CEP70: variants seen among roughly 807,000 people sequenced by gnomAD.
CEP70 encodes the protein centrosomal protein 70.
CEP70 carries 70 observed loss-of-function variants against 90.9 expected under a neutral mutation model. That is an observed-to-expected ratio of 0.77 (90% confidence interval 0.64 to 0.94). The LOEUF is 0.94. Among genes scored for constraint, CEP70 ranks in the 40% least tolerant of loss-of-function variants. The probability of loss-of-function intolerance (pLI) is 0.00; values close to 1 mark genes in which losing one functional copy is unlikely to be tolerated. For synonymous variants in CEP70, 220 were observed against 228.3 expected (o/e 0.96, Z 0.33); for missense variants, 648 against 669.0 (o/e 0.97, Z 0.35).
chr3:138,536,173 GTGC>G (rs1273885546), intron 7 of CEP70, among the ~76,000 whole-genome samples: 10 of 152,046 alleles, frequency 6.6e-5, no homozygotes, highest in African/African-American at 2.4e-4. Flanking sequence ...AAAAAAGAAG[GTGC>G]TAGTACATAA....
At chr3:138,573,798 T>C (rs1264554929) in intron 2 of CEP70, among the ~76,000 whole-genome samples, 3 of 152,180 alleles carry the variant, frequency 2.0e-5, no homozygotes, top group Non-Finnish European at 4.4e-5. Flanking sequence ...TTGTTTACAA[T>C]GGAGGTGGAC....
rs144266926 is a variant in CEP70, at chr3:138,525,770, C to T, written c.870-206G>A. ...AATCCCTTATTCAAAGCCTTTTAGT[C>T]GTTTTTTGCTGCTAATCTGTTACTT... On this transcript the variant is annotated intron_variant, in intron 10 of 17. Coordinates refer to ENST00000264982, the MANE Select transcript of CEP70 (RefSeq NM_024491.4). Among the ~76,000 whole-genome samples the T allele has an allele frequency of 1.7e-3, 254 of 152,170 alleles. 1 individual carries two copies. The highest frequency in any genetic ancestry group is 5.9e-3 in the African/African-American group (244 of 41,526).
chr3:138,496,779 C>T lies in CEP70; in HGVS notation c.1732+1252G>A, dbSNP rs577911609. ...TTAACACCAGAACTTCAACTTTGAC[C>T]AAATTACAGAATTCATCTCCAGAGA... On this transcript the variant is annotated intron_variant, in intron 17 of 17. Transcript: ENST00000264982. 1.1e-5 allele frequency: 11 copies of T among 985,374 alleles called. No homozygotes were observed. In the East Asian group the frequency reaches 1.2e-3, roughly 112 times the overall value. 61.0% of individuals were successfully genotyped at this position (985,374 alleles called of 1,614,324 possible).
At chr3:138,497,121 G>A in intron 17 of CEP70, 1 of 1,056,830 alleles carries the variant, frequency 9.5e-7, no homozygotes, top group Non-Finnish European at 1.1e-6. Flanking sequence ...TTTTAAACAT[G>A]AGGACAAGCC....
chr3:138,554,200 G>GA (rs58728127), intron 6 of CEP70, among the ~76,000 whole-genome samples: 6,221 of 131,380 alleles, frequency 0.047, 144 homozygotes, highest in Middle Eastern at 0.06. Flanking sequence ...GACTCCATAT[G>GA]AAAAAAAAAA....
chr3:138,503,535 C>A (rs2034707506), intron 13 of CEP70, among the ~76,000 whole-genome samples: 1 of 152,114 alleles, frequency 6.6e-6, no homozygotes, highest in Admixed American at 6.6e-5. Context: ...TGATATGAGG[C>A]CTCAGAGAAT....
At chr3:138,576,083 T>C (rs2041503091) in intron 2 of CEP70, among the ~76,000 whole-genome samples, 1 of 152,156 alleles carries the variant, frequency 6.6e-6, no homozygotes, top group South Asian at 2.1e-4. Flanking sequence ...AATGACAGGA[T>C]CAGATTCACA....
intron 6 of CEP70, among the ~76,000 whole-genome samples, chr3:138,545,611 A>G (rs2039129454): frequency 6.6e-6 from 1 of 152,206 alleles, no homozygotes; most frequent in Non-Finnish European, 1.5e-5. Context: ...GAATAGAGCC[A>G]TATTTTTCTT....
chr3:138,549,972 T>A (rs571228638), intron 6 of CEP70, among the ~76,000 whole-genome samples: 1 of 152,094 alleles, frequency 6.6e-6, no homozygotes, highest in East Asian at 1.9e-4. Flanking sequence ...TAACAATCAT[T>A]ACAGCTCAGC....
At chr3:138,587,972 G>A (rs893379294) in intron 2 of CEP70, among the ~76,000 whole-genome samples, 2 of 149,568 alleles carry the variant, frequency 1.3e-5, no homozygotes, top group African/African-American at 2.4e-5. Context: ...CCAAAGATAC[G>A]AAGGTAATTT....
chr3:138,528,355 C>T (rs953935974), intron 10 of CEP70, among the ~76,000 whole-genome samples: 1 of 152,094 alleles, frequency 6.6e-6, no homozygotes, highest in Non-Finnish European at 1.5e-5. Context: ...ATTTGAAGTT[C>T]TTAGCTAGTT....
chr3:138,572,742 C>T, intron 3 of CEP70, 117 bp downstream of exon 3: 1 of 749,728 alleles, frequency 1.3e-6, no homozygotes, highest in Non-Finnish European at 2.4e-6. Context: ...TTTAACCCAG[C>T]ATTTCCTAAA....
intron 6 of CEP70, among the ~76,000 whole-genome samples, chr3:138,569,995 G>A (rs771335168): frequency 6.6e-6 from 1 of 152,130 alleles, no homozygotes; most frequent in African/African-American, 2.4e-5. Context: ...ATAAATTTTG[G>A]ATCCTATGTT....
chr3:138,499,612 G>C (rs2034291585), intron 16 of CEP70, among the ~76,000 whole-genome samples: 1 of 152,080 alleles, frequency 6.6e-6, no homozygotes, highest in South Asian at 2.1e-4. Flanking sequence ...AAGGGTTTGA[G>C]ATTATCTTAG....
At chr3:138,527,713 AT>A (rs1270018518) in intron 10 of CEP70, among the ~76,000 whole-genome samples, 2 of 142,276 alleles carry the variant, frequency 1.4e-5, no homozygotes, top group South Asian at 2.2e-4. Context: ...AAAAAAAAAA[AT>A]CTCAATGGGC....
intron 1 of CEP70, 113 bp from the exon 2 acceptor site, chr3:138,592,069 A>G: frequency 1.9e-6 from 1 of 519,134 alleles, no homozygotes; most frequent in South Asian, 2.9e-5. Flanking sequence ...ATCACAGATA[A>G]AGCAGGCACA....
chr3:138,498,172 A>G, intron 16 of CEP70, 62 bp from the exon 17 acceptor site: 1 of 1,166,990 alleles, frequency 8.6e-7, no homozygotes, highest in Non-Finnish European at 1.3e-6. Flanking sequence ...ATCTGATTGC[A>G]AACAGAACAT....
At chr3:138,530,927 G>A (rs2037754224) in intron 8 of CEP70, 3 of 791,302 alleles carry the variant, frequency 3.8e-6, no homozygotes, top group South Asian at 1.2e-4. Context: ...AATGAATCCC[G>A]AAAAACTCCC....
Position 138,509,677 on chromosome 3 carries a change from A to G in CEP70, c.945-1133T>C, listed in dbSNP as rs543191493. The stretch of plus-strand genomic sequence containing the variant: ...ATTAAAAGGAAAATTCCAGTAATAA[A>G]TAAGTTTTTTTATTTTATTTTTTTT... On this transcript the variant is annotated intron_variant, in intron 11 of 17. Coordinates refer to ENST00000264982, the MANE Select transcript of CEP70 (RefSeq NM_024491.4). 1.1e-4 allele frequency among the ~76,000 whole-genome samples: 16 copies of G among 152,246 alleles called. No homozygotes were observed. In the South Asian group the frequency reaches 2.9e-3, roughly 28 times the overall value.
Sources: gnomAD v4.1 joint callset for allele counts (sites outside exome capture counted in the v4.1 genomes callset) on GRCh38, gnomAD v4.1.1 for gene constraint, MANE v1.5 for transcripts, NCBI Gene and HGNC (gene_info 2026-07-23, HGNC 2026-07-21) for gene names.